Variants in NOSTRIN observed in about 807,000 individuals in gnomAD.
The protein encoded by NOSTRIN is nitric oxide synthase trafficking.
A neutral mutation model predicts 59.0 loss-of-function variants in NOSTRIN; 63 were observed. The observed-to-expected ratio is 1.07, with a 90% CI of 0.87 to 1.32. NOSTRIN has a LOEUF of 1.32. Among genes scored for constraint, NOSTRIN ranks in the 40% most tolerant of loss-of-function variants. NOSTRIN has a pLI of 0.00. For synonymous variants in NOSTRIN, 200 were observed against 165.4 expected (o/e 1.21, Z -1.61); for missense variants, 512 against 473.1 (o/e 1.08, Z -0.76).
chr2:168,865,388 A>G lies in NOSTRIN; in HGVS notation c.*418A>G. On this transcript the variant is annotated 3_prime_UTR_variant, in exon 16 of 16. Coordinates refer to ENST00000317647, the MANE Select transcript of NOSTRIN (RefSeq NM_001039724.4). ...AACACAGCAGGCCTATGAGGGGGTC[A>G]AGCAGAGCCTGGGAGATGAGGAACA... The G allele has an allele frequency of 6.3e-6, 1 of 158,804 alleles. No individual in the cohort carries two copies. The highest frequency in any genetic ancestry group is 1.9e-4 in the South Asian group (1 of 5,394). 9.8% of individuals were successfully genotyped at this position (158,804 alleles called of 1,614,324 possible).
chr2:168,853,518 C>T (rs942142306), intron 10 of NOSTRIN, among the ~76,000 whole-genome samples: 1 of 152,172 alleles, frequency 6.6e-6, no homozygotes, highest in Non-Finnish European at 1.5e-5. Context: ...TGGCAATATA[C>T]CCCATCCTGA....
intron 6 of NOSTRIN, 127 bp from the exon 7 acceptor site, chr2:168,834,100 T>C: frequency 1.7e-6 from 1 of 594,826 alleles, no homozygotes. Flanking sequence ...TTTCAGCCTT[T>C]GGAGGATTCT....
chr2:168,855,293 C>A, intron 10 of NOSTRIN, 59 bp from the exon 11 acceptor site: 2 of 822,570 alleles, frequency 2.4e-6, no homozygotes, highest in South Asian at 1.9e-5. Context: ...TCAGAATGGA[C>A]AGGGAATAGC....
chr2:168,809,577 A>T (rs1237938206), intron 1 of NOSTRIN, among the ~76,000 whole-genome samples: 1 of 152,086 alleles, frequency 6.6e-6, no homozygotes, highest in Non-Finnish European at 1.5e-5. Context: ...ATAGGAGTAA[A>T]CAAAGAGGTT....
chr2:168,825,199 T>C (rs915142476), intron 3 of NOSTRIN, among the ~76,000 whole-genome samples: 2 of 152,254 alleles, frequency 1.3e-5, no homozygotes, highest in Non-Finnish European at 2.9e-5. Context: ...GCTTTACTGA[T>C]ACTCCCATTT....
At chr2:168,823,592 C>T (rs939431956) in intron 2 of NOSTRIN, among the ~76,000 whole-genome samples, 1 of 152,166 alleles carries the variant, frequency 6.6e-6, no homozygotes, top group African/African-American at 2.4e-5. Flanking sequence ...CAAATTTTCT[C>T]TTTATATGGG....
chr2:168,858,104 T>C (rs1480563656), intron 12 of NOSTRIN, among the ~76,000 whole-genome samples: 1 of 152,228 alleles, frequency 6.6e-6, no homozygotes, highest in Non-Finnish European at 1.5e-5. Flanking sequence ...ACTGATGCCA[T>C]TGGGTTATAC....
rs910983590 is a variant in NOSTRIN at position 168,813,365 on chromosome 2, T to C, written c.113+1713T>C. On this transcript the variant is annotated intron_variant, in intron 2 of 15. Transcript: ENST00000317647. ...GTGAAGATAGAAGACAGGCAATAGA[T>C]GATGCCTGCTGCTAAACAGACTCAA... 3.9e-5 allele frequency among the ~76,000 whole-genome samples: 6 copies of C among 152,312 alleles called. No individual in the cohort carries two copies. The South Asian group carries it at 6.2e-4, about 16-fold the overall frequency.
upstream of NOSTRIN, among the ~76,000 whole-genome samples, chr2:168,800,511 G>A (rs1189465617): frequency 1.3e-5 from 2 of 152,134 alleles, no homozygotes; most frequent in Non-Finnish European, 2.9e-5. Flanking sequence ...GGAGCAAGAT[G>A]GAAGGATTTT....
intron 10 of NOSTRIN, among the ~76,000 whole-genome samples, chr2:168,851,913 G>A (rs1202318586): frequency 6.6e-6 from 1 of 152,124 alleles, no homozygotes; most frequent in Non-Finnish European, 1.5e-5. Flanking sequence ...GACATCTCCA[G>A]GCTCTTCCTC....
intron 2 of NOSTRIN, among the ~76,000 whole-genome samples, chr2:168,823,312 G>T (rs778405014): frequency 2.0e-5 from 3 of 152,148 alleles, no homozygotes; most frequent in African/African-American, 7.2e-5. Context: ...CACCGCGCCC[G>T]GCCAGTTGCA....
chr2:168,824,725 T>C lies in NOSTRIN; in HGVS notation c.197+8T>C, dbSNP rs186487435. On this transcript the variant is annotated splice_region_variant and intron_variant, in intron 3 of 15. Coordinates refer to ENST00000317647, the MANE Select transcript of NOSTRIN (RefSeq NM_001039724.4). ...ACAGAACACGAGAAAAAGGTAAGTA[T>C]TGTGGCAGAGGTAAGGCAAAATCAA... 283 of 872,350 alleles carry C rather than the reference T, an allele frequency of 3.2e-4. No homozygotes were observed. In the African/African-American group the frequency reaches 3.8e-3, roughly 12 times the overall value. 54.0% of individuals were successfully genotyped at this position (872,350 alleles called of 1,614,324 possible).
intron 2 of NOSTRIN, among the ~76,000 whole-genome samples, chr2:168,815,458 G>A (rs1686345662): frequency 6.6e-6 from 1 of 152,150 alleles, no homozygotes; most frequent in Non-Finnish European, 1.5e-5. Context: ...GTTTAAACAG[G>A]CTTTGACTGG....
chr2:168,803,707 T>C (rs1334067245), intron 1 of NOSTRIN, among the ~76,000 whole-genome samples: 1 of 152,216 alleles, frequency 6.6e-6, no homozygotes, highest in Admixed American at 6.5e-5. Flanking sequence ...TTTTCCTTTT[T>C]TTAAATACAG....
At chr2:168,800,765 A>T (rs1018393305), upstream of NOSTRIN, among the ~76,000 whole-genome samples, 1 of 152,144 alleles carries the variant, frequency 6.6e-6, no homozygotes, top group African/African-American at 2.4e-5. Context: ...GGAATCACAG[A>T]GAAAACATTG....
chr2:168,792,978 A>C (rs1685394196), intron 2 of NOSTRIN, among the ~76,000 whole-genome samples: 1 of 152,176 alleles, frequency 6.6e-6, no homozygotes, highest in Non-Finnish European at 1.5e-5. Flanking sequence ...AGTGTGGCCA[A>C]CTTTTGACTT....
upstream of NOSTRIN, among the ~76,000 whole-genome samples, chr2:168,798,851 T>C (rs965556431): frequency 8.0e-5 from 10 of 125,678 alleles, no homozygotes; most frequent in Non-Finnish European, 1.6e-4. Flanking sequence ...AGACAGAAGA[T>C]AGTTCTTGAG....
upstream of NOSTRIN, chr2:168,801,241 CGTT>C (rs1685605674): frequency 6.7e-6 from 1 of 148,686 alleles, no homozygotes; most frequent in Non-Finnish European, 1.5e-5. Flanking sequence ...GACTCTTCTA[CGTT>C]GTTTCTGGAA....
At chr2:168,816,442 T>G (rs1434921585) in intron 2 of NOSTRIN, among the ~76,000 whole-genome samples, 2 of 152,126 alleles carry the variant, frequency 1.3e-5, no homozygotes, top group Non-Finnish European at 2.9e-5. Flanking sequence ...CCTCTCTCCT[T>G]ACTGGGCCAC....
Sources: allele counts gnomAD v4.1 joint callset (sites outside exome capture counted in the v4.1 genomes callset), GRCh38; gene constraint gnomAD v4.1.1; transcripts MANE v1.5; gene names NCBI Gene and HGNC (gene_info 2026-07-23, HGNC 2026-07-21).